NEO1: variants seen among roughly 807,000 people sequenced by gnomAD.
The protein encoded by NEO1 is neogenin.
NEO1 carries 63 observed loss-of-function variants against 159.7 expected under a neutral mutation model. That is an observed-to-expected ratio of 0.39 (90% CI 0.32 to 0.49). The LOEUF (loss-of-function observed/expected upper bound fraction) is 0.49, where lower values mean the gene tolerates loss of function less well. Among genes scored for constraint, NEO1 ranks in the 20% least tolerant of loss-of-function variants. The probability of loss-of-function intolerance (pLI) is 0.85; values close to 1 mark genes in which losing one functional copy is unlikely to be tolerated. For missense variants in NEO1, 1,615 were observed against 1,831.0 expected (o/e 0.88, Z 2.15); for synonymous variants, 633 against 662.0 (o/e 0.96, Z 0.67).
chr15:73,105,617 T>A (rs1477153677), intron 1 of NEO1, among the ~76,000 whole-genome samples: 1 of 152,240 alleles, frequency 6.6e-6, no homozygotes, highest in African/African-American at 2.4e-5. Flanking sequence ...TGTTTCTCAT[T>A]AGTCTCATTA....
chr15:73,089,745 A>C (rs1406009145), intron 1 of NEO1, among the ~76,000 whole-genome samples: 2 of 152,186 alleles, frequency 1.3e-5, no homozygotes, highest in South Asian at 2.1e-4. Context: ...GATATTTATC[A>C]AAATTTAAAA....
chr15:73,200,750 C>T (rs1442460571), intron 7 of NEO1, among the ~76,000 whole-genome samples: 10 of 135,872 alleles, frequency 7.4e-5, no homozygotes, highest in Non-Finnish European at 9.2e-5. Flanking sequence ...GTGTCATGAT[C>T]GGGGCTCACG....
intron 2 of NEO1, among the ~76,000 whole-genome samples, chr15:73,118,033 G>A (rs1414127764): frequency 1.3e-5 from 2 of 151,576 alleles, no homozygotes; most frequent in East Asian, 1.9e-4. Flanking sequence ...CCTCTACAAC[G>A]TCACTTAGGT....
intron 7 of NEO1, among the ~76,000 whole-genome samples, chr15:73,216,714 G>A (rs2037907021): frequency 6.6e-6 from 1 of 151,986 alleles, no homozygotes; most frequent in South Asian, 2.1e-4. Flanking sequence ...TGTGTTTTTT[G>A]GCTGCATAAA....
At chr15:73,061,261 T>A (rs1441247383) in intron 1 of NEO1, among the ~76,000 whole-genome samples, 1 of 152,200 alleles carries the variant, frequency 6.6e-6, no homozygotes, top group Non-Finnish European at 1.5e-5. Flanking sequence ...CACAGAGATA[T>A]CTTCCCATAA....
chr15:73,302,156 A>G (rs2042644350), intron 28 of NEO1, among the ~76,000 whole-genome samples: 1 of 152,198 alleles, frequency 6.6e-6, no homozygotes, highest in South Asian at 2.1e-4. Context: ...TGGAGGAGAA[A>G]GTGCCTGAGT....
At chr15:73,253,538 C>A in intron 12 of NEO1, 89 bp downstream of exon 12, 2 of 868,850 alleles carry the variant, frequency 2.3e-6, no homozygotes, top group Non-Finnish European at 3.5e-6. Context: ...TGTAGGAAAG[C>A]ATCAAAATAA....
chr15:73,249,370 T>C (rs979658716), intron 10 of NEO1, among the ~76,000 whole-genome samples, 162 bp downstream of exon 10: 1 of 152,244 alleles, frequency 6.6e-6, no homozygotes, highest in African/African-American at 2.4e-5. Flanking sequence ...ATTTATTGTG[T>C]AGTTTTTACC....
chr15:73,183,636 A>G (rs1049549561), intron 7 of NEO1, among the ~76,000 whole-genome samples: 6 of 152,250 alleles, frequency 3.9e-5, no homozygotes, highest in Admixed American at 3.9e-4. Flanking sequence ...GCTGGACCAG[A>G]ACAATGGAGA....
chr15:73,265,695 AAG>A (rs1183321096), intron 15 of NEO1, among the ~76,000 whole-genome samples: 4 of 152,164 alleles, frequency 2.6e-5, no homozygotes, highest in Admixed American at 2.0e-4. Flanking sequence ...CTGACACAGG[AAG>A]ACCAGGTGCC....
chr15:73,137,304 A>C (rs1260663957), intron 5 of NEO1, among the ~76,000 whole-genome samples: 1 of 152,232 alleles, frequency 6.6e-6, no homozygotes, highest in African/African-American at 2.4e-5. Context: ...GATAAGAAAA[A>C]TATTTGCAAT....
At chr15:73,254,958 A>G (rs962003890) in intron 13 of NEO1, 129 bp downstream of exon 13, 9 of 978,902 alleles carry the variant, frequency 9.2e-6, no homozygotes, top group African/African-American at 4.9e-5. Context: ...AAAATTTTTA[A>G]TGGTTCAATC....
chr15:73,096,465 G>A (rs2151478560), intron 1 of NEO1, among the ~76,000 whole-genome samples: 1 of 152,334 alleles, frequency 6.6e-6, no homozygotes, highest in South Asian at 2.1e-4. Flanking sequence ...AGAGGTGGAA[G>A]TGGTGCAGTC....
intron 9 of NEO1, among the ~76,000 whole-genome samples, chr15:73,246,252 A>C (rs1348743775): frequency 6.6e-6 from 1 of 152,216 alleles, no homozygotes; most frequent in Non-Finnish European, 1.5e-5. Flanking sequence ...CAGGCAAGGT[A>C]GGAGACCTTT....
chr15:73,247,261 A>G (rs2039843058), intron 9 of NEO1, among the ~76,000 whole-genome samples: 1 of 151,748 alleles, frequency 6.6e-6, no homozygotes, highest in Non-Finnish European at 1.5e-5. Flanking sequence ...CCCTTGGAAA[A>G]TATTTTACAT....
Position 73,198,264 on chromosome 15 carries a change from A to G in NEO1, c.1291+19837A>G, listed in dbSNP as rs7168820. ...TCATCCTTTCACTGCCCTGTTTCTC[A>G]TATACTGTACATTGTCCTAAACTAT... On this transcript the variant is annotated intron_variant, in intron 7 of 28. Transcript: ENST00000261908. Among the ~76,000 whole-genome samples the G allele has an allele frequency of 8.6e-3, 1,305 of 152,162 alleles. 22 individuals are homozygous for G. The highest frequency in any genetic ancestry group is 0.03 in the African/African-American group (1,233 of 41,520).
intron 1 of NEO1, among the ~76,000 whole-genome samples, chr15:73,081,770 C>G (rs2069060674): frequency 6.6e-6 from 1 of 151,800 alleles, no homozygotes; most frequent in Non-Finnish European, 1.5e-5. Context: ...GAGATAGGGT[C>G]TCACTATGTT....
At chr15:73,300,693 T>C (rs754901594) in intron 27 of NEO1, among the ~76,000 whole-genome samples, 7 of 152,180 alleles carry the variant, frequency 4.6e-5, no homozygotes, top group African/African-American at 9.7e-5. Context: ...GTTGCTCCAC[T>C]GCACTCCAGC....
intron 21 of NEO1, among the ~76,000 whole-genome samples, chr15:73,276,409 C>A (rs551268938): frequency 6.6e-6 from 1 of 152,322 alleles, no homozygotes; most frequent in African/African-American, 2.4e-5. Context: ...AAGAGCCTTG[C>A]AGGTGCTAAG....
Sources: allele counts gnomAD v4.1 joint callset (sites outside exome capture counted in the v4.1 genomes callset), GRCh38; gene constraint gnomAD v4.1.1; transcripts MANE v1.5; gene names NCBI Gene and HGNC (gene_info 2026-07-23, HGNC 2026-07-21).